The following NSUN3 variants were observed in gnomAD, a reference collection of about 807,000 sequenced individuals.
NSUN3 encodes NOP2/Sun RNA methyltransferase 3, also known as tRNA (cytosine(34)-C(5))-methyltransferase, mitochondrial.
NSUN3 carries 24 observed loss-of-function variants against 36.8 expected under a neutral mutation model. The ratio of observed to expected loss-of-function variants is 0.65; its 90% CI spans 0.47 to 0.92. NSUN3 has a LOEUF of 0.92. Among genes scored for constraint, NSUN3 ranks in the 40% least tolerant of loss-of-function variants. NSUN3 has a pLI of 0.00. For missense variants in NSUN3, 381 were observed against 392.8 expected (o/e 0.97, Z 0.25); for synonymous variants, 146 against 145.2 (o/e 1.01, Z -0.04).
At chr3:94,070,461 T>TA (rs1335616546) in intron 2 of NSUN3, among the ~76,000 whole-genome samples, 3 of 151,562 alleles carry the variant, frequency 2.0e-5, no homozygotes, top group Non-Finnish European at 2.9e-5. Flanking sequence ...ACCTTGTCTC[T>TA]AAAAAAAAGA....
intron 5 of NSUN3, among the ~76,000 whole-genome samples, chr3:94,108,742 T>C (rs994265859): frequency 1.6e-4 from 24 of 152,100 alleles, no homozygotes; most frequent in African/African-American, 5.8e-4. Context: ...TGCTGCTCAC[T>C]AAGGCGGAGG....
chr3:94,064,653 C>A, intron 2 of NSUN3, 107 bp downstream of exon 2: 1 of 657,366 alleles, frequency 1.5e-6, no homozygotes. Flanking sequence ...GAATCTAAAT[C>A]TGGTTGCCTT....
chr3:94,111,837 A>G (rs1348063433), intron 5 of NSUN3, among the ~76,000 whole-genome samples: 2 of 150,922 alleles, frequency 1.3e-5, no homozygotes, highest in African/African-American at 4.9e-5. Flanking sequence ...TTTAAGAAGG[A>G]GGACCTGCTT....
rs2077508373 is a variant in NSUN3, at chr3:94,131,512, A to G, written c.*5022A>G. On this transcript the variant is annotated 3_prime_UTR_variant, in exon 6 of 6. Transcript: ENST00000314622. ...TTAATCAATACTTGGGAAAAAAACA[A>G]CAACCTTTGAACTGTTTCAGGCCAT... Among the ~76,000 whole-genome samples the G allele has an allele frequency of 6.6e-6, 1 of 152,160 alleles. No homozygotes were observed. The highest frequency in any genetic ancestry group is 1.5e-5 in the Non-Finnish European group (1 of 68,024).
intron 5 of NSUN3, among the ~76,000 whole-genome samples, chr3:94,106,815 G>T (rs1452593661): frequency 6.6e-6 from 1 of 151,920 alleles, no homozygotes; most frequent in Non-Finnish European, 1.5e-5. Flanking sequence ...AGAAATACTG[G>T]AAAGGAATAC....
intron 5 of NSUN3, among the ~76,000 whole-genome samples, chr3:94,125,910 A>AT (rs2077483476): frequency 2.6e-5 from 4 of 152,130 alleles, no homozygotes; most frequent in African/African-American, 9.7e-5. Context: ...AAATACAAAA[A>AT]TTAGCTGGGC....
chr3:94,104,922 A>G (rs924890274), intron 5 of NSUN3, among the ~76,000 whole-genome samples: 1 of 152,184 alleles, frequency 6.6e-6, no homozygotes, highest in African/African-American at 2.4e-5. Context: ...TCAATTTGTA[A>G]AATACCACGG....
At chr3:94,064,951 C>A (rs1346081318) in intron 2 of NSUN3, among the ~76,000 whole-genome samples, 1 of 152,160 alleles carries the variant, frequency 6.6e-6, no homozygotes, top group East Asian at 1.9e-4. Flanking sequence ...GCCAAAGGTA[C>A]ACTTTATTTG....
chr3:94,079,088 G>A (rs2077258291), intron 2 of NSUN3, among the ~76,000 whole-genome samples: 1 of 152,180 alleles, frequency 6.6e-6, no homozygotes, highest in Non-Finnish European at 1.5e-5. Flanking sequence ...TCCATGTTTA[G>A]TGCTTCCTTC....
At chr3:94,096,058 C>T (rs1300946518) in intron 5 of NSUN3, among the ~76,000 whole-genome samples, 3 of 151,922 alleles carry the variant, frequency 2.0e-5, no homozygotes, top group Non-Finnish European at 4.4e-5. Flanking sequence ...CACGCCTGGC[C>T]ACTAAAGCAA....
At chr3:94,121,067 C>T (rs2077459315) in intron 5 of NSUN3, among the ~76,000 whole-genome samples, 1 of 152,148 alleles carries the variant, frequency 6.6e-6, no homozygotes, top group Admixed American at 6.5e-5. Flanking sequence ...CCTATTGCTG[C>T]TGTTAACAAT....
At chr3:94,117,586 T>C (rs1211043923) in intron 5 of NSUN3, among the ~76,000 whole-genome samples, 1 of 152,200 alleles carries the variant, frequency 6.6e-6, no homozygotes, top group African/African-American at 2.4e-5. Flanking sequence ...AGCAAAGATT[T>C]GGGGAAAGTT....
intron 5 of NSUN3, among the ~76,000 whole-genome samples, chr3:94,121,390 G>A (rs13098840): frequency 0.066 from 10,012 of 152,128 alleles, 585 homozygotes; most frequent in African/African-American, 0.15. Flanking sequence ...AGGCCCACTC[G>A]GATAATCCAG....
At chr3:94,110,906 C>G (rs2077413861) in intron 5 of NSUN3, among the ~76,000 whole-genome samples, 1 of 151,978 alleles carries the variant, frequency 6.6e-6, no homozygotes, top group African/African-American at 2.4e-5. Flanking sequence ...ACTGGGATAA[C>G]CACCCTGGAT....
chr3:94,120,277 C>T (rs571856793), intron 5 of NSUN3, among the ~76,000 whole-genome samples: 31 of 152,238 alleles, frequency 2.0e-4, no homozygotes, highest in African/African-American at 7.0e-4. Flanking sequence ...TTTAAAAATA[C>T]ATAACATAAA....
At chr3:94,099,080 A>G (rs935241530) in intron 5 of NSUN3, among the ~76,000 whole-genome samples, 5 of 152,200 alleles carry the variant, frequency 3.3e-5, no homozygotes, top group African/African-American at 1.2e-4. Flanking sequence ...TAGAATTTAT[A>G]GCTGTAATTA....
intron 2 of NSUN3, among the ~76,000 whole-genome samples, chr3:94,078,321 C>T (rs975348843): frequency 9.2e-5 from 14 of 152,124 alleles, no homozygotes; most frequent in African/African-American, 3.4e-4. Context: ...GTTATGATTT[C>T]CATTCTTTTA....
At position 94,084,251 on chromosome 3, in the gene NSUN3, G is replaced by A. The variant is rs1316549386; in HGVS notation, c.267G>A (p.Val89=). The A allele has an allele frequency of 1.2e-6, 2 of 1,613,980 alleles. No homozygotes were observed. Among genetic ancestry groups the A allele is most frequent in the African/African-American group, 1.3e-5 (1 of 74,902 alleles). Residue 89 remains valine (V), a synonymous_variant, in exon 3 of 6, where the codon GTG becomes GTA. Transcript: ENST00000314622. ...CTTTACCCAACTATCCTAAATCAGT[G>A]AAGTGTTACCTTAGCAGAACTCCGG... The part of the protein sequence containing the change: ...QGSLPNYPKS[V]KCYLSRTPGR...
At chr3:94,105,838 G>C (rs2077386528) in intron 5 of NSUN3, among the ~76,000 whole-genome samples, 1 of 151,502 alleles carries the variant, frequency 6.6e-6, no homozygotes, top group Admixed American at 6.6e-5. Context: ...CATTTGCCAT[G>C]GGACAAAATC....
Sources: gnomAD v4.1 joint callset for allele counts (sites outside exome capture counted in the v4.1 genomes callset) on GRCh38, gnomAD v4.1.1 for gene constraint, MANE v1.5 for transcripts, NCBI Gene and HGNC (gene_info 2026-07-23, HGNC 2026-07-21) for gene names.